Variants in HS6ST3 observed in about 807,000 individuals in gnomAD.
HS6ST3 encodes the protein heparan sulfate 6-O-sulfotransferase 3.
HS6ST3 carries 12 observed loss-of-function variants against 36.7 expected under a neutral mutation model. The ratio of observed to expected loss-of-function variants is 0.33; its 90% CI spans 0.21 to 0.53. The LOEUF (loss-of-function observed/expected upper bound fraction) is 0.53, where lower values mean the gene tolerates loss of function less well. Ranked by LOEUF, HS6ST3 falls within the 20% of genes least tolerant of loss-of-function variation. The pLI is 0.95. For missense variants in HS6ST3, 584 were observed against 640.9 expected (o/e 0.91, Z 0.96); for synonymous variants, 240 against 257.5 (o/e 0.93, Z 0.65).
intron 1 of HS6ST3, among the ~76,000 whole-genome samples, chr13:96,348,387 C>G (rs757711552): frequency 1.2e-4 from 18 of 152,100 alleles, no homozygotes; most frequent in African/African-American, 3.9e-4. Flanking sequence ...TGGGTTGTGT[C>G]GTATTTAGAG....
chr13:96,365,832 T>C (rs1346469941), intron 1 of HS6ST3, among the ~76,000 whole-genome samples: 1 of 152,074 alleles, frequency 6.6e-6, no homozygotes. Context: ...AGGAAAAAAA[T>C]CGAGATTTTT....
At chr13:96,122,364 CTAT>C (rs1208469543) in intron 1 of HS6ST3, among the ~76,000 whole-genome samples, 1 of 151,956 alleles carries the variant, frequency 6.6e-6, no homozygotes, top group Non-Finnish European at 1.5e-5. Context: ...TCTTCTAAAT[CTAT>C]TATTATAGAA....
chr13:96,348,610 C>A lies in HS6ST3; in HGVS notation c.707+257041C>A, dbSNP rs117144714. Among the ~76,000 whole-genome samples, 627 of 152,258 alleles carry A rather than the reference C, an allele frequency of 4.1e-3. 21 individuals carry two copies. Among genetic ancestry groups the A allele is most frequent in the Middle Eastern group, 0.034 (10 of 294 alleles). ...TGTTAAATGTTGTGTTGTAAAGGTG[C>A]CCTCACAGAGGTACTTGAGCTTGTT... On this transcript the variant is annotated intron_variant, in intron 1 of 1. Transcript: ENST00000376705.
chr13:96,758,631 A>C (rs1876890550), intron 1 of HS6ST3, among the ~76,000 whole-genome samples: 1 of 151,896 alleles, frequency 6.6e-6, no homozygotes, highest in African/African-American at 2.4e-5. Context: ...TGACTCATGA[A>C]TTATTGAGAT....
chr13:96,304,702 TC>T (rs1566317860), intron 1 of HS6ST3, among the ~76,000 whole-genome samples: 129 of 97,540 alleles, frequency 1.3e-3, no homozygotes, highest in Middle Eastern at 6.1e-3. Flanking sequence ...TTTCTTTCTT[TC>T]TTTCTTTCTT....
intron 1 of HS6ST3, among the ~76,000 whole-genome samples, chr13:96,320,109 C>T (rs2054996125): frequency 6.6e-6 from 1 of 152,124 alleles, no homozygotes; most frequent in African/African-American, 2.4e-5. Flanking sequence ...CAGAGACCTC[C>T]CTGATGCAGT....
intron 1 of HS6ST3, among the ~76,000 whole-genome samples, chr13:96,644,327 G>A (rs566203173): frequency 1.5e-4 from 23 of 152,014 alleles, no homozygotes; most frequent in African/African-American, 5.3e-4. Context: ...ATATAGATTC[G>A]GGGTCATATG....
At chr13:96,348,568 T>C (rs1277484655) in intron 1 of HS6ST3, among the ~76,000 whole-genome samples, 1 of 152,224 alleles carries the variant, frequency 6.6e-6, no homozygotes, top group Non-Finnish European at 1.5e-5. Flanking sequence ...TGTGTACTTG[T>C]GTATTCATTG....
intron 1 of HS6ST3, among the ~76,000 whole-genome samples, chr13:96,546,920 G>C (rs72641890): frequency 0.07 from 10,697 of 152,246 alleles, 427 homozygotes; most frequent in Middle Eastern, 0.095. Flanking sequence ...CACAGTTGTT[G>C]TAGCTATGCA....
rs1290285665 is a variant in HS6ST3 at position 96,242,037 on chromosome 13, G to A, written c.707+150468G>A. 3.3e-5 allele frequency among the ~76,000 whole-genome samples: 5 copies of A among 151,644 alleles called. No homozygotes were observed. The East Asian group carries it at 5.8e-4, about 18-fold the overall frequency. ...CCTGACCTCGTGATCCGCCCGCCTC[G>A]GCCTCCCAAAGTGCTGAGATTACAG... On this transcript the variant is annotated intron_variant, in intron 1 of 1. Transcript: ENST00000376705.
intron 1 of HS6ST3, among the ~76,000 whole-genome samples, chr13:96,777,819 A>T (rs193122233): frequency 6.6e-6 from 1 of 152,328 alleles, no homozygotes; most frequent in African/African-American, 2.4e-5. Context: ...ATTGGAAAAG[A>T]CTACTTTAAA....
chr13:96,337,367 G>A (rs188309502), intron 1 of HS6ST3, among the ~76,000 whole-genome samples: 8 of 152,258 alleles, frequency 5.3e-5, no homozygotes, highest in Admixed American at 5.2e-4. Context: ...GAGCCACCGC[G>A]CCCAGCCAGT....
At chr13:96,501,791 A>G (rs1041044058) in intron 1 of HS6ST3, among the ~76,000 whole-genome samples, 2 of 152,248 alleles carry the variant, frequency 1.3e-5, no homozygotes, top group Non-Finnish European at 2.9e-5. Flanking sequence ...TAAAACATCA[A>G]ATGAATCCAG....
intron 1 of HS6ST3, among the ~76,000 whole-genome samples, chr13:96,151,435 T>C (rs1310559688): frequency 6.7e-6 from 1 of 149,392 alleles, no homozygotes; most frequent in Non-Finnish European, 1.5e-5. Context: ...ACTGTCTGGA[T>C]ACAAAATAGT....
At chr13:96,600,329 T>TACACAC (rs34142366) in intron 1 of HS6ST3, among the ~76,000 whole-genome samples, 8,933 of 145,998 alleles carry the variant, frequency 0.061, 288 homozygotes, top group Non-Finnish European at 0.071. Context: ...TGGAGTTAGG[T>TACACAC]ACACACACAC....
chr13:96,526,254 A>G (rs560954557), intron 1 of HS6ST3, among the ~76,000 whole-genome samples: 1 of 152,340 alleles, frequency 6.6e-6, no homozygotes, highest in South Asian at 2.1e-4. Context: ...TATGTGATGC[A>G]CCGCTGACGA....
chr13:96,154,039 G>A (rs1002763730), intron 1 of HS6ST3, among the ~76,000 whole-genome samples: 2 of 152,134 alleles, frequency 1.3e-5, no homozygotes, highest in African/African-American at 4.8e-5. Flanking sequence ...ACCTACCTCA[G>A]AGGTTTGTTA....
intron 1 of HS6ST3, among the ~76,000 whole-genome samples, chr13:96,747,912 A>G (rs1472884013): frequency 6.6e-6 from 1 of 152,026 alleles, no homozygotes; most frequent in Non-Finnish European, 1.5e-5. Flanking sequence ...TTAGGAAGAT[A>G]TATTCAGGAG....
chr13:96,214,682 T>G (rs1324654543), intron 1 of HS6ST3, among the ~76,000 whole-genome samples: 1 of 152,182 alleles, frequency 6.6e-6, no homozygotes, highest in Admixed American at 6.5e-5. Context: ...AGTCTGGAGC[T>G]GTGCACATGT....
Sources: gnomAD v4.1 joint callset for allele counts (sites outside exome capture counted in the v4.1 genomes callset) on GRCh38, gnomAD v4.1.1 for gene constraint, MANE v1.5 for transcripts, NCBI Gene and HGNC (gene_info 2026-07-23, HGNC 2026-07-21) for gene names.